TJAP1: variants seen among roughly 807,000 people sequenced by gnomAD.
TJAP1 encodes tight junction associated protein 1.
A neutral mutation model predicts 42.0 loss-of-function variants in TJAP1; 27 were observed. The ratio of observed to expected loss-of-function variants is 0.64; its 90% CI spans 0.47 to 0.89. TJAP1 has a LOEUF of 0.89. Among genes scored for constraint, TJAP1 ranks in the 40% least tolerant of loss-of-function variants. TJAP1 has a pLI of 0.00. For synonymous variants in TJAP1, 257 were observed against 288.4 expected (o/e 0.89, Z 1.10); for missense variants, 712 against 726.9 (o/e 0.98, Z 0.24).
At chr6:43,500,283 T>C (rs186018670) in intron 4 of TJAP1, among the ~76,000 whole-genome samples, 8 of 152,318 alleles carry the variant, frequency 5.3e-5, no homozygotes, top group Non-Finnish European at 1.0e-4. Context: ...TTCCTGAGCC[T>C]CTGCAAGAGC....
chr6:43,503,488 A>T (rs144142565), exon 9 of TJAP1: 4 of 1,614,028 alleles, frequency 2.5e-6, no homozygotes, highest in Non-Finnish European at 3.4e-6. Context: ...GAACACCATC[A>T]ACAAGCTGGA....
In TJAP1 at chr6:43,491,831, C is replaced by T. The variant is rs116271216; in HGVS notation, c.-121-6050C>T. 0.018 allele frequency among the ~76,000 whole-genome samples: 2,803 copies of T among 152,068 alleles called. 35 individuals carry two copies. Among genetic ancestry groups the T allele is most frequent in the South Asian group, 0.039 (190 of 4,818 alleles). On this transcript the variant is annotated intron_variant, in intron 2 of 10. Transcript: ENST00000372449. This position sits in a 1 kb window ranked among gnomAD's most constrained non-coding sequence, Gnocchi z 4.6. ...TATGTACAAATAAACATTTATAGTA[C>T]TATATATTATTCATGGGGACTAGCA...
chr6:43,504,137 C>T (rs1287978952), intron 10 of TJAP1: 11 of 300,154 alleles, frequency 3.7e-5, no homozygotes, highest in South Asian at 1.2e-4. Context: ...TTTTTTGAGA[C>T]GGAGTCTTGC....
At chr6:43,499,477 A>G (rs1440139825) in intron 4 of TJAP1, among the ~76,000 whole-genome samples, 2 of 152,234 alleles carry the variant, frequency 1.3e-5, no homozygotes, top group East Asian at 3.8e-4. Flanking sequence ...GGGGCATATC[A>G]GGAGGCAGTG....
intron 2 of TJAP1, among the ~76,000 whole-genome samples, chr6:43,488,328 G>A (rs894245981): frequency 8.5e-5 from 13 of 152,222 alleles, no homozygotes. Context: ...CTTCCCAGTC[G>A]AGTGAGTTCC....
chr6:43,504,991 C>G, exon 11 of TJAP1: 2 of 1,614,074 alleles, frequency 1.2e-6, no homozygotes, highest in Non-Finnish European at 1.7e-6. Flanking sequence ...GTGAGGGTGT[C>G]CCAGGTGATC....
At chr6:43,479,618 G>C (rs971015311) in intron 2 of TJAP1, among the ~76,000 whole-genome samples, 13 of 152,136 alleles carry the variant, frequency 8.5e-5, no homozygotes, top group African/African-American at 3.1e-4. Context: ...GATGGCACCT[G>C]TGAATACCCA....
chr6:43,506,140 C>T (rs561940056), exon 11 of TJAP1: 21 of 332,494 alleles, frequency 6.3e-5, no homozygotes, highest in Admixed American at 5.5e-4. Context: ...CAGCCCAACC[C>T]AGCCCAGACT....
intron 8 of TJAP1, 38 bp from the exon 9 acceptor site, chr6:43,503,363 A>AGAGT: frequency 6.6e-7 from 1 of 1,526,074 alleles, no homozygotes; most frequent in Non-Finnish European, 9.1e-7. Flanking sequence ...AGGGCTGGCT[A>AGAGT]GAGTGTGGGC....
chr6:43,501,761 CTCTCT>C lies in TJAP1; in HGVS notation c.290+75_290+79del, dbSNP rs1790689045. 79 of 643,484 alleles carry C rather than the reference CTCTCT, an allele frequency of 1.2e-4. 1 individual carries two copies. In the South Asian group the frequency reaches 1.2e-3, roughly 10 times the overall value. 39.9% of individuals were successfully genotyped at this position (643,484 alleles called of 1,614,324 possible). On this transcript the variant is annotated intron_variant, in intron 6 of 10. Coordinates refer to ENST00000372449, the Ensembl canonical transcript of TJAP1. ...ACACACACACACACACACACACACT[CTCTCT>C]GTCTCTCTCTCTCTCTGTGTCTCTG...
intron 2 of TJAP1, among the ~76,000 whole-genome samples, chr6:43,489,016 CAGG>C (rs1787201987): frequency 6.6e-6 from 1 of 152,176 alleles, no homozygotes; most frequent in Non-Finnish European, 1.5e-5. Flanking sequence ...CTTCCTAGAA[CAGG>C]AGAGAGGACC....
intron 2 of TJAP1, 24 bp from the exon 3 acceptor site, chr6:43,497,857 C>T (rs1789569240): frequency 6.6e-6 from 1 of 152,470 alleles, no homozygotes; most frequent in African/African-American, 2.4e-5. Flanking sequence ...CTGGTTTCCA[C>T]TTTCTTCCCT....
chr6:43,501,909 ACACACACACACACACACACTCTCT>A (rs1790803660), intron 6 of TJAP1, among the ~76,000 whole-genome samples: 1 of 126,768 alleles, frequency 7.9e-6, no homozygotes, highest in African/African-American at 3.1e-5. Flanking sequence ...ACACACACAC[ACACACACACACACACACACTCTCT>A]CTCTCTCTCT....
chr6:43,497,416 G>C (rs1407767682), intron 2 of TJAP1: 1 of 152,176 alleles, frequency 6.6e-6, no homozygotes, highest in African/African-American at 2.4e-5. Context: ...AAATAGCCTT[G>C]GGCCTCCTTC....
rs550711966 is a variant in TJAP1 at position 43,503,814 on chromosome 6, C to T, written c.579+108C>T. 51 of 1,010,380 alleles carry T rather than the reference C, an allele frequency of 5.0e-5. 2 individuals carry two copies. The East Asian group carries it at 8.3e-4, about 16-fold the overall frequency. 62.6% of individuals were successfully genotyped at this position (1,010,380 alleles called of 1,614,324 possible). ...TCTCTGTCCTCCTCTTCCCACTTTGCCCTCCTCTTGCCTCCATGTCACCTC... is the reference window on the plus strand; with the variant it reads ...TCTCTGTCCTCCTCTTCCCACTTTGTCCTCCTCTTGCCTCCATGTCACCTC... On this transcript the variant is annotated intron_variant, in intron 10 of 10. Transcript: ENST00000372449.
In TJAP1 at chr6:43,500,739, C is replaced by T; in HGVS notation, c.100-5C>T. 1 of 1,614,020 alleles carries T rather than the reference C, an allele frequency of 6.2e-7. No individual in the cohort carries two copies. On this transcript the variant is annotated splice_polypyrimidine_tract_variant and splice_region_variant and intron_variant, in intron 4 of 10. Transcript: ENST00000372449. ...CTGAGCCTCAAGCCTCTCTTTTTTG[C>T]CTAGGAACCCCTGACTGATGCAGAA...
At chr6:43,499,507 G>A (rs1790022419) in intron 4 of TJAP1, among the ~76,000 whole-genome samples, 1 of 152,260 alleles carries the variant, frequency 6.6e-6, no homozygotes, top group African/African-American at 2.4e-5. Flanking sequence ...CTTCCCACCA[G>A]CACAGCTGCT....
In TJAP1 at chr6:43,499,585, A is replaced by G. The variant is rs114038333; in HGVS notation, c.99+485A>G. On this transcript the variant is annotated intron_variant, in intron 4 of 10. Transcript: ENST00000372449. The stretch of plus-strand genomic sequence containing the variant: ...TTTGTTTGGCTAACATTTGTTGAAT[A>G]TGTACTCCCTGCCAGGAACTGTTAG... Among the ~76,000 whole-genome samples the G allele has an allele frequency of 2.7e-3, 415 of 152,312 alleles. 2 individuals are homozygous for G. The highest frequency in any genetic ancestry group is 9.5e-3 in the African/African-American group (393 of 41,564).
chr6:43,502,644 C>T (rs563272068), intron 8 of TJAP1, 27 bp downstream of exon 8: 2 of 1,551,662 alleles, frequency 1.3e-6, no homozygotes, highest in Non-Finnish European at 1.7e-6. Context: ...TGTGTCTTCT[C>T]CCTTGCCCTG....
Sources: allele counts gnomAD v4.1 joint callset (sites outside exome capture counted in the v4.1 genomes callset), GRCh38; gene constraint gnomAD v4.1.1; non-coding constraint Gnocchi (gnomAD v3.1); transcripts MANE v1.5; gene names NCBI Gene and HGNC (gene_info 2026-07-23, HGNC 2026-07-21).